GRAMD1C: variants seen among roughly 807,000 people sequenced by gnomAD.
GRAMD1C encodes the protein protein Aster-C.
In GRAMD1C, 89 loss-of-function variants were observed where a neutral mutation model predicts 97.8. The observed-to-expected ratio is 0.91, with a 90% CI of 0.77 to 1.09. GRAMD1C has a LOEUF of 1.09. Among genes scored for constraint, GRAMD1C ranks in the 50% least tolerant of loss-of-function variants. The pLI is 0.00. For missense variants in GRAMD1C, 740 were observed against 766.4 expected (o/e 0.97, Z 0.41); for synonymous variants, 256 against 267.0 (o/e 0.96, Z 0.40).
At chr3:113,874,362 CT>C (rs770426074) in intron 3 of GRAMD1C, among the ~76,000 whole-genome samples, 224 of 145,156 alleles carry the variant, frequency 1.5e-3, no homozygotes, top group Admixed American at 1.8e-3. Flanking sequence ...AGAGAATCAA[CT>C]TTTTTTTTTT....
At chr3:113,887,085 G>GTTTTTTGT (rs1935524436) in intron 6 of GRAMD1C, among the ~76,000 whole-genome samples, 26 of 71,432 alleles carry the variant, frequency 3.6e-4, no homozygotes, top group South Asian at 6.0e-4. Context: ...TGGCCTTTTT[G>GTTTTTTGT]TTTTTTTTTT....
chr3:113,831,364 GT>G (rs1322745554), intron 1 of GRAMD1C, among the ~76,000 whole-genome samples: 1 of 152,058 alleles, frequency 6.6e-6, no homozygotes, highest in Admixed American at 6.5e-5. Flanking sequence ...CAGTTTGTCT[GT>G]TTCCTCACAA....
rs141133710 is a variant in GRAMD1C at position 113,942,588 on chromosome 3, G to A, written c.1908+2243G>A. The stretch of plus-strand genomic sequence containing the variant: ...GGCTGCAGCGTTTTAGGAGCTGAGC[G>A]GAAGAGGGATAGGGGAAGGAAAGGC... On this transcript the variant is annotated intron_variant, in intron 17 of 17. Coordinates refer to ENST00000358160, the MANE Select transcript of GRAMD1C (RefSeq NM_017577.5). Among the ~76,000 whole-genome samples, 383 of 152,238 alleles carry A rather than the reference G, an allele frequency of 2.5e-3. 4 individuals carry two copies. Among genetic ancestry groups the A allele is most frequent in the African/African-American group, 8.4e-3 (348 of 41,530 alleles).
intron 1 of GRAMD1C, among the ~76,000 whole-genome samples, chr3:113,843,515 T>C (rs991883821): frequency 1.3e-5 from 2 of 152,166 alleles, no homozygotes; most frequent in African/African-American, 4.8e-5. Flanking sequence ...AGTCTGGCTC[T>C]GTCACCCAGG....
Position 113,838,840 on chromosome 3 carries a change from C to G in GRAMD1C, c.-70C>G, listed in dbSNP as rs953944111. 193 of 1,152,664 alleles carry G rather than the reference C, an allele frequency of 1.7e-4. No individual in the cohort carries two copies. Among genetic ancestry groups the G allele is most frequent in the Non-Finnish European group, 2.1e-4 (193 of 917,526 alleles). The allele number at this position is 1,152,664 out of a possible 1,614,324, so 71.4% of individuals were successfully genotyped here. On this transcript the variant is annotated 5_prime_UTR_variant, in exon 1 of 18. Coordinates refer to ENST00000358160, the MANE Select transcript of GRAMD1C (RefSeq NM_017577.5). ...CGGAGCCTGTAACTCGCAGCGCGCG[C>G]TGGAGGTGGGCGCGGGGCGGTGCGG...
intron 5 of GRAMD1C, among the ~76,000 whole-genome samples, chr3:113,881,867 T>C (rs953162879): frequency 6.6e-6 from 1 of 152,236 alleles, no homozygotes; most frequent in African/African-American, 2.4e-5. Flanking sequence ...ATGAATAATG[T>C]ATAGCAAAGT....
intron 10 of GRAMD1C, among the ~76,000 whole-genome samples, chr3:113,926,406 C>T (rs1937231659): frequency 1.3e-5 from 2 of 152,122 alleles, no homozygotes. Flanking sequence ...TTTTGTCTTT[C>T]AGCTCTTGTG....
intron 1 of GRAMD1C, among the ~76,000 whole-genome samples, chr3:113,840,821 AG>A (rs1709765569): frequency 6.6e-6 from 1 of 152,180 alleles, no homozygotes; most frequent in African/African-American, 2.4e-5. Flanking sequence ...TCCTTTTGTG[AG>A]CTCCTTTGTG....
At chr3:113,870,042 TA>T (rs1934734525) in intron 3 of GRAMD1C, among the ~76,000 whole-genome samples, 1 of 152,006 alleles carries the variant, frequency 6.6e-6, no homozygotes, top group Admixed American at 6.6e-5. Context: ...CTGTGGGAGC[TA>T]AAAAGAAATT....
At chr3:113,857,244 G>A (rs61168430) in intron 2 of GRAMD1C, among the ~76,000 whole-genome samples, 2,470 of 152,228 alleles carry the variant, frequency 0.016, 66 homozygotes, top group African/African-American at 0.054. Context: ...GAATAAGAAC[G>A]GTGAGAGTGG....
chr3:113,917,057 G>A (rs1264533840), intron 10 of GRAMD1C, among the ~76,000 whole-genome samples: 1 of 152,112 alleles, frequency 6.6e-6, no homozygotes, highest in East Asian at 1.9e-4. Flanking sequence ...GATCTCTTGA[G>A]CCTGGGAGTT....
In GRAMD1C at chr3:113,850,305, C is replaced by T; in HGVS notation, c.174+5656C>T. On this transcript the variant is annotated intron_variant, in intron 2 of 17. Transcript: ENST00000358160. ...AACTGGAATTCGGTTGCTGACACAG[C>T]CCCAGCCTCGACTTTCTTGTTGGCA... is the stretch of plus-strand genomic sequence containing the variant. 10 of 704,630 alleles carry T rather than the reference C, an allele frequency of 1.4e-5. 1 individual carries two copies. Among genetic ancestry groups the T allele is most frequent in the South Asian group, 4.1e-5 (3 of 73,742 alleles). 43.6% of individuals were successfully genotyped at this position (704,630 alleles called of 1,614,324 possible). A position where few individuals can be genotyped will look rare whatever the true frequency, so the allele number is the denominator to read the frequency against.
chr3:113,861,114 C>T (rs2107353293), intron 2 of GRAMD1C, among the ~76,000 whole-genome samples: 1 of 152,052 alleles, frequency 6.6e-6, no homozygotes, highest in South Asian at 2.1e-4. Context: ...GTCTTTTCCA[C>T]AAATGATACA....
intron 1 of GRAMD1C, among the ~76,000 whole-genome samples, chr3:113,830,871 G>C (rs2163388): frequency 0.62 from 94,277 of 152,072 alleles, 30,081 homozygotes; most frequent in South Asian, 0.71. Flanking sequence ...GGCCAAGGCG[G>C]GTGGGTCACC....
intron 2 of GRAMD1C, among the ~76,000 whole-genome samples, chr3:113,859,570 G>A (rs1219559085): frequency 6.6e-6 from 1 of 152,152 alleles, no homozygotes; most frequent in Non-Finnish European, 1.5e-5. Context: ...ATACCTTAGA[G>A]AACCTAGATT....
chr3:113,933,386 G>GT, intron 11 of GRAMD1C, 125 bp from the exon 12 acceptor site: 1 of 655,512 alleles, frequency 1.5e-6, no homozygotes, highest in Non-Finnish European at 2.6e-6. Flanking sequence ...TTTTAGCTTT[G>GT]TATATAGGTT....
At chr3:113,849,709 G>A (rs1294662836) in intron 2 of GRAMD1C, among the ~76,000 whole-genome samples, 3 of 152,244 alleles carry the variant, frequency 2.0e-5, no homozygotes, top group South Asian at 2.1e-4. Flanking sequence ...CACAGACAGG[G>A]CAACCATCCG....
At chr3:113,832,039 G>GTTTTTTTTTTTTTTTTTTTTTTT (rs113465428) in intron 1 of GRAMD1C, among the ~76,000 whole-genome samples, 1 of 149,418 alleles carries the variant, frequency 6.7e-6, no homozygotes, top group African/African-American at 2.5e-5. Flanking sequence ...CAGCAACTTT[G>GTTTTTTTTTTTTTTTTTTTTTTT]TTTTTTTTGA....
At chr3:113,940,608 G>A (rs975008388) in intron 17 of GRAMD1C, among the ~76,000 whole-genome samples, 41 of 151,900 alleles carry the variant, frequency 2.7e-4, no homozygotes. Context: ...TTCTGAAGAT[G>A]TTTCCATATC....
Sources: allele counts gnomAD v4.1 joint callset (sites outside exome capture counted in the v4.1 genomes callset), GRCh38; gene constraint gnomAD v4.1.1; transcripts MANE v1.5; gene names NCBI Gene and HGNC (gene_info 2026-07-23, HGNC 2026-07-21).